ST6GALNAC5: variants seen among roughly 807,000 people sequenced by gnomAD.
ST6GALNAC5 encodes the protein alpha-N-acetylgalactosaminide alpha-2,6-sialyltransferase 5.
A neutral mutation model predicts 33.6 loss-of-function variants in ST6GALNAC5; 27 were observed. The ratio of observed to expected loss-of-function variants is 0.80; its 90% CI spans 0.59 to 1.11. The LOEUF (loss-of-function observed/expected upper bound fraction) is 1.11, where lower values mean the gene tolerates loss of function less well. Ranked by LOEUF, ST6GALNAC5 falls within the 50% of genes least tolerant of loss-of-function variation. ST6GALNAC5 has a pLI of 0.00. For synonymous variants in ST6GALNAC5, 194 were observed against 171.2 expected (o/e 1.13, Z -1.04); for missense variants, 428 against 454.0 (o/e 0.94, Z 0.52).
At chr1:76,972,315 C>G (rs1347570074) in intron 2 of ST6GALNAC5, among the ~76,000 whole-genome samples, 1 of 152,084 alleles carries the variant, frequency 6.6e-6, no homozygotes, top group Admixed American at 6.6e-5. Context: ...CAATTGCCTC[C>G]CACCAGGACC....
chr1:76,915,505 A>G (rs56010177), intron 2 of ST6GALNAC5, among the ~76,000 whole-genome samples: 7,230 of 152,286 alleles, frequency 0.047, 271 homozygotes, highest in Middle Eastern at 0.075. Flanking sequence ...ATGGAATACT[A>G]CGCAGCCATA....
intron 2 of ST6GALNAC5, among the ~76,000 whole-genome samples, chr1:77,012,865 G>C (rs1269571044): frequency 6.6e-6 from 1 of 152,190 alleles, no homozygotes; most frequent in Admixed American, 6.5e-5. Context: ...GGTGGAGACA[G>C]ACAGCAAAAC....
chr1:77,033,252 G>T (rs1293864551), intron 2 of ST6GALNAC5, among the ~76,000 whole-genome samples: 1 of 152,220 alleles, frequency 6.6e-6, no homozygotes, highest in African/African-American at 2.4e-5. Context: ...CTGAGAAAGT[G>T]AGGCACTGAG....
chr1:76,939,752 G>A (rs367855389), intron 2 of ST6GALNAC5, among the ~76,000 whole-genome samples: 18 of 152,020 alleles, frequency 1.2e-4, no homozygotes, highest in African/African-American at 2.4e-4. Context: ...ATCACCTGCC[G>A]TGTGCCAGGC....
intron 2 of ST6GALNAC5, among the ~76,000 whole-genome samples, chr1:76,961,175 C>T (rs952399916): frequency 2.0e-5 from 3 of 152,186 alleles, no homozygotes; most frequent in Non-Finnish European, 2.9e-5. Context: ...TGGCTTCAGC[C>T]GGTCCCTCCA....
chr1:77,044,112 C>T lies in ST6GALNAC5; in HGVS notation c.262-92C>T. 5.1e-6 allele frequency: 7 copies of T among 1,370,872 alleles called. 1 individual carries two copies. The South Asian group carries it at 1.0e-4, about 20-fold the overall frequency. The allele number at this position is 1,370,872 out of a possible 1,614,324, so 84.9% of individuals were successfully genotyped here. Reference sequence around the variant, plus strand: ...ATGGGGAGGAGAGAAGAGATGGGTGCCCTTCTTCAAAGGCAGGGAAGTAGC... The same window carrying T: ...ATGGGGAGGAGAGAAGAGATGGGTGTCCTTCTTCAAAGGCAGGGAAGTAGC... On this transcript the variant is annotated intron_variant, in intron 2 of 4. Transcript: ENST00000477717.
intron 2 of ST6GALNAC5, among the ~76,000 whole-genome samples, chr1:76,970,019 G>T (rs1648678577): frequency 6.6e-6 from 1 of 151,964 alleles, no homozygotes; most frequent in South Asian, 2.1e-4. Flanking sequence ...GGACAAAAAA[G>T]GACATCCACA....
At chr1:77,054,385 T>C (rs777568055) in intron 4 of ST6GALNAC5, among the ~76,000 whole-genome samples, 10 of 152,218 alleles carry the variant, frequency 6.6e-5, no homozygotes, top group Non-Finnish European at 1.2e-4. Flanking sequence ...TCCACCCGAC[T>C]TGGTCAGGGG....
At chr1:77,003,415 A>G (rs200011216) in intron 2 of ST6GALNAC5, among the ~76,000 whole-genome samples, 26,345 of 149,392 alleles carry the variant, frequency 0.18, 2,256 homozygotes, top group Middle Eastern at 0.26. Context: ...TCCTGAATAC[A>G]GCACACTGAT....
chr1:77,017,175 GAC>G (rs1650882454), intron 2 of ST6GALNAC5, among the ~76,000 whole-genome samples: 1 of 146,038 alleles, frequency 6.8e-6, no homozygotes, highest in South Asian at 2.2e-4. Flanking sequence ...AAAAGGTAAA[GAC>G]ACAGTATCTT....
intron 4 of ST6GALNAC5, among the ~76,000 whole-genome samples, chr1:77,058,239 C>T (rs1652463963): frequency 6.6e-6 from 1 of 152,222 alleles, no homozygotes; most frequent in African/African-American, 2.4e-5. Context: ...TGAGTTTCCT[C>T]GTCTGCAGAG....
At chr1:77,026,299 G>C (rs562021252) in intron 2 of ST6GALNAC5, among the ~76,000 whole-genome samples, 2 of 152,186 alleles carry the variant, frequency 1.3e-5, no homozygotes, top group Non-Finnish European at 2.9e-5. Context: ...ATAACCCTCT[G>C]CTCCTCTTAT....
intron 2 of ST6GALNAC5, among the ~76,000 whole-genome samples, chr1:76,981,250 G>T (rs1206900769): frequency 6.6e-6 from 1 of 152,192 alleles, no homozygotes; most frequent in Non-Finnish European, 1.5e-5. Context: ...GGGAAGCCGT[G>T]ACAGACTACC....
At chr1:76,978,639 G>T (rs1183342192) in intron 2 of ST6GALNAC5, among the ~76,000 whole-genome samples, 1 of 152,084 alleles carries the variant, frequency 6.6e-6, no homozygotes, top group East Asian at 1.9e-4. Context: ...ACACAGTAAA[G>T]GCCACATAGG....
chr1:76,912,057 C>A (rs2100281949), intron 2 of ST6GALNAC5, among the ~76,000 whole-genome samples: 1 of 152,010 alleles, frequency 6.6e-6, no homozygotes, highest in East Asian at 1.9e-4. Context: ...CTCTTGTGGG[C>A]AGTTAGTGCT....
intron 2 of ST6GALNAC5, among the ~76,000 whole-genome samples, chr1:76,891,597 A>T (rs1478785404): frequency 2.6e-5 from 4 of 152,130 alleles, no homozygotes; most frequent in African/African-American, 9.7e-5. Flanking sequence ...GATGATGCTA[A>T]TTTATCTATT....
At chr1:77,061,743 T>C (rs142457337) in intron 4 of ST6GALNAC5, among the ~76,000 whole-genome samples, 207 of 152,306 alleles carry the variant, frequency 1.4e-3, no homozygotes, top group African/African-American at 4.6e-3. Context: ...CAAGACTCTT[T>C]AGTGCGTAAA....
At chr1:76,912,263 A>T (rs1342581761) in intron 2 of ST6GALNAC5, among the ~76,000 whole-genome samples, 1 of 151,942 alleles carries the variant, frequency 6.6e-6, no homozygotes, top group Non-Finnish European at 1.5e-5. Flanking sequence ...CCTGAGTTCT[A>T]GTTTGATTGC....
intron 2 of ST6GALNAC5, among the ~76,000 whole-genome samples, chr1:77,008,273 T>C (rs1043976774): frequency 6.6e-6 from 1 of 152,106 alleles, no homozygotes; most frequent in African/African-American, 2.4e-5. Flanking sequence ...AAGCAGGTAT[T>C]TCAGTGGGGG....
Sources: allele counts gnomAD v4.1 joint callset (sites outside exome capture counted in the v4.1 genomes callset), GRCh38; gene constraint gnomAD v4.1.1; transcripts MANE v1.5; gene names NCBI Gene and HGNC (gene_info 2026-07-23, HGNC 2026-07-21).